The following LINGO2 variants were observed in gnomAD, a reference collection of about 807,000 sequenced individuals.
LINGO2 encodes leucine rich repeat and Ig domain containing 2.
In LINGO2, 14 loss-of-function variants were observed where a neutral mutation model predicts 30.6. The ratio of observed to expected loss-of-function variants is 0.46; its 90% CI spans 0.30 to 0.72. The LOEUF (loss-of-function observed/expected upper bound fraction) is 0.72. Ranked by LOEUF, LINGO2 falls within the 30% of genes least tolerant of loss-of-function variation. The probability of loss-of-function intolerance (pLI) is 0.07; values close to 1 mark genes in which losing one functional copy is unlikely to be tolerated. For missense variants in LINGO2, 729 were observed against 751.7 expected (o/e 0.97, Z 0.35); for synonymous variants, 317 against 288.5 (o/e 1.10, Z -1.00).
the LINGO2 span, among the ~76,000 whole-genome samples, chr9:29,164,223 A>T: frequency 6.6e-6 from 1 of 152,080 alleles, no homozygotes; most frequent in East Asian, 1.9e-4. Flanking sequence ...TCCACCCCTT[A>T]CCTTAGTTAC....
chr9:28,427,788 A>G (rs1823474079), intron 2 of LINGO2, among the ~76,000 whole-genome samples: 1 of 152,106 alleles, frequency 6.6e-6, no homozygotes, highest in African/African-American at 2.4e-5. Flanking sequence ...GCCAGGAAAC[A>G]TCACTCCTTT....
chr9:28,593,290 T>C (rs1825011299), intron 1 of LINGO2, among the ~76,000 whole-genome samples: 1 of 152,064 alleles, frequency 6.6e-6, no homozygotes, highest in African/African-American at 2.4e-5. Flanking sequence ...ATCAGAAACA[T>C]GCCATGCACA....
intron 1 of LINGO2, among the ~76,000 whole-genome samples, chr9:28,580,757 C>T (rs1480994564): frequency 6.6e-6 from 1 of 151,840 alleles, no homozygotes; most frequent in East Asian, 1.9e-4. Flanking sequence ...CTCTGTAGAT[C>T]AACTTTCACC....
At chr9:28,367,717 T>C (rs1186200456) in intron 3 of LINGO2, among the ~76,000 whole-genome samples, 1 of 152,146 alleles carries the variant, frequency 6.6e-6, no homozygotes, top group Non-Finnish European at 1.5e-5. Flanking sequence ...GCTTCTATGG[T>C]AGCATCATAA....
chr9:28,795,722 T>C, the LINGO2 span, among the ~76,000 whole-genome samples: 1 of 152,066 alleles, frequency 6.6e-6, no homozygotes, highest in Admixed American at 6.5e-5. Flanking sequence ...TGGCCCTCTT[T>C]AGCATTTTGG....
At chr9:28,699,546 GA>G in the LINGO2 span, among the ~76,000 whole-genome samples, 6 of 151,982 alleles carry the variant, frequency 3.9e-5, no homozygotes, top group South Asian at 1.2e-3. Flanking sequence ...AGTGCACCTT[GA>G]AAAAGAACGG....
At chr9:28,545,792 C>A (rs1423791097) in intron 1 of LINGO2, among the ~76,000 whole-genome samples, 1 of 151,956 alleles carries the variant, frequency 6.6e-6, no homozygotes, top group Non-Finnish European at 1.5e-5. Flanking sequence ...TATATTGTGC[C>A]TTTGGAAAAG....
At chr9:29,070,813 T>C in the LINGO2 span, among the ~76,000 whole-genome samples, 29,634 of 150,624 alleles carry the variant, frequency 0.2, 3,069 homozygotes, top group African/African-American at 0.24. Context: ...TAAAATAAAA[T>C]AAGGCCAATT....
chr9:28,054,710 G>GTTTGGGTT (rs1824838699), intron 4 of LINGO2, among the ~76,000 whole-genome samples: 1 of 151,948 alleles, frequency 6.6e-6, no homozygotes, highest in African/African-American at 2.4e-5. Flanking sequence ...TAGTAAATAA[G>GTTTGGGTT]TTTAAGTTAA....
chr9:28,136,463 C>T (rs1236510248), intron 4 of LINGO2, among the ~76,000 whole-genome samples: 1 of 152,158 alleles, frequency 6.6e-6, no homozygotes, highest in Non-Finnish European at 1.5e-5. Context: ...ACTTTTTGTA[C>T]AGTTAAGATT....
intron 5 of LINGO2, among the ~76,000 whole-genome samples, chr9:28,005,999 T>A (rs1822248646): frequency 6.6e-6 from 1 of 152,120 alleles, no homozygotes; most frequent in Non-Finnish European, 1.5e-5. Context: ...ATCATATGAA[T>A]AGGCCTGTAT....
At chr9:28,489,922 T>G (rs1195395718) in intron 1 of LINGO2, among the ~76,000 whole-genome samples, 2 of 131,830 alleles carry the variant, frequency 1.5e-5, no homozygotes, top group Non-Finnish European at 3.2e-5. Context: ...AAAAAAAAAG[T>G]AAGATAAGGA....
intron 1 of LINGO2, among the ~76,000 whole-genome samples, chr9:28,594,615 C>T (rs1427967256): frequency 2.6e-5 from 4 of 151,974 alleles, no homozygotes; most frequent in Admixed American, 6.6e-5. Context: ...TATAGAACAG[C>T]GTATATAAGG....
chr9:28,966,430 C>T, the LINGO2 span, among the ~76,000 whole-genome samples: 4 of 152,040 alleles, frequency 2.6e-5, no homozygotes. Context: ...TCAACTTTGT[C>T]AGGTAGGCAG....
the LINGO2 span, among the ~76,000 whole-genome samples, chr9:28,846,599 T>C: frequency 2.0e-5 from 3 of 147,768 alleles, no homozygotes; most frequent in Non-Finnish European, 4.5e-5. Context: ...TCCCTGATCA[T>C]AGTAACTATC....
chr9:28,187,183 T>C (rs1303210743), intron 4 of LINGO2, among the ~76,000 whole-genome samples: 1 of 151,996 alleles, frequency 6.6e-6, no homozygotes, highest in African/African-American at 2.4e-5. Flanking sequence ...CATTTCCTGA[T>C]AGAAGATCAA....
At chr9:28,544,958 A>C (rs887700590) in intron 1 of LINGO2, among the ~76,000 whole-genome samples, 2 of 151,524 alleles carry the variant, frequency 1.3e-5, no homozygotes, top group African/African-American at 2.4e-5. Context: ...TCTATAGATT[A>C]CTTATTTTGG....
chr9:29,062,303 G>A, the LINGO2 span, among the ~76,000 whole-genome samples: 1 of 151,964 alleles, frequency 6.6e-6, no homozygotes, highest in Non-Finnish European at 1.5e-5. Context: ...ATTAAAAATA[G>A]AATTACCATA....
chr9:28,326,427 T>C (rs1365574689), intron 3 of LINGO2, among the ~76,000 whole-genome samples: 1 of 152,208 alleles, frequency 6.6e-6, no homozygotes. Context: ...CTTCCTTTGT[T>C]TGTTCACTTA....
Sources: gnomAD v4.1 joint callset for allele counts (sites outside exome capture counted in the v4.1 genomes callset) on GRCh38, gnomAD v4.1.1 for gene constraint, MANE v1.5 for transcripts, NCBI Gene and HGNC (gene_info 2026-07-23, HGNC 2026-07-21) for gene names.